The following ANKRD62 variants were observed in gnomAD, a reference collection of about 807,000 sequenced individuals.
ANKRD62 encodes the protein ankyrin repeat domain-containing protein 62.
Under a neutral mutation model 98.8 loss-of-function variants are expected in ANKRD62, and 61 were observed. The observed-to-expected ratio is 0.62, with a 90% CI of 0.50 to 0.76. The LOEUF is 0.76. Among genes scored for constraint, ANKRD62 ranks in the 30% least tolerant of loss-of-function variants. ANKRD62 has a pLI of 0.00. For missense variants in ANKRD62, 933 were observed against 1,082.9 expected (o/e 0.86, Z 1.94); for synonymous variants, 341 against 367.9 (o/e 0.93, Z 0.84).
chr18:12,171,748 C>T, the ANKRD62 span, among the ~76,000 whole-genome samples: 26 of 152,104 alleles, frequency 1.7e-4, 1 homozygote, highest in Admixed American at 5.2e-4. Context: ...CAACTTGGTT[C>T]CATTCTCCCT....
At chr18:12,159,054 T>C in the ANKRD62 span, among the ~76,000 whole-genome samples, 6 of 152,186 alleles carry the variant, frequency 3.9e-5, no homozygotes, top group Non-Finnish European at 7.3e-5. Context: ...TTTCTCCTCA[T>C]GCAAGACACT....
the ANKRD62 span, among the ~76,000 whole-genome samples, chr18:12,170,567 G>A: frequency 1.3e-5 from 2 of 152,292 alleles, no homozygotes; most frequent in East Asian, 3.9e-4. Flanking sequence ...GTCAATTTTG[G>A]AGTAAGTGCA....
chr18:12,163,453 A>G, the ANKRD62 span, among the ~76,000 whole-genome samples: 2 of 152,122 alleles, frequency 1.3e-5, no homozygotes, highest in Admixed American at 6.5e-5. Context: ...ATCATCTACA[A>G]ATAAGGATAA....
chr18:12,126,330 A>G lies in ANKRD62; in HGVS notation c.2509A>G (p.Thr837Ala). ...ENNKGLMKEC[T>A]LLKERQCQYE... ...CAATAAGGGGTTGATGAAGGAATGC[A>G]CTCTTTTAAAAGAAAGACAATGCCA... The change falls in exon 13 of 14, where the codon ACT (threonine) becomes GCT (alanine). Residue 837 changes from threonine (T) to alanine (A), a missense_variant. By Grantham distance (58) the Thr-to-Ala change is moderately conservative. Around this residue, in one of 3 missense-constraint regions of ANKRD62, gnomAD observed 362 missense variants for 434.5 expected, o/e 0.83. Coordinates refer to ENST00000587848, the MANE Select transcript of ANKRD62 (RefSeq NM_001277333.2). 6.5e-7 allele frequency: 1 copy of G among 1,527,318 alleles called. No homozygotes were observed. Among genetic ancestry groups the G allele is most frequent in the Non-Finnish European group, 8.7e-7 (1 of 1,144,122 alleles). 94.6% of individuals were successfully genotyped at this position (1,527,318 alleles called of 1,614,324 possible).
chr18:12,159,542 T>C, the ANKRD62 span, among the ~76,000 whole-genome samples: 1 of 152,222 alleles, frequency 6.6e-6, no homozygotes, highest in Non-Finnish European at 1.5e-5. Flanking sequence ...CTGCAAATTG[T>C]CCAATAAGTA....
At chr18:12,158,833 C>T in the ANKRD62 span, among the ~76,000 whole-genome samples, 1 of 152,128 alleles carries the variant, frequency 6.6e-6, no homozygotes, top group Non-Finnish European at 1.5e-5. Flanking sequence ...CGCGCCCGGC[C>T]AGAAATTTTT....
In ANKRD62 at chr18:12,122,562, A is replaced by G. The variant is rs761373076; in HGVS notation, c.1454+46A>G. ...AGAAATATTTCAACTATTTATACTA[A>G]GGATATGTAGGATAATTTTTGTAAT... On this transcript the variant is annotated intron_variant, in intron 11 of 13. Transcript: ENST00000587848. 117 of 1,405,306 alleles carry G rather than the reference A, an allele frequency of 8.3e-5. No individual in the cohort carries two copies. The Middle Eastern group carries it at 8.5e-4, about 10-fold the overall frequency. The allele number at this position is 1,405,306 out of a possible 1,614,324, so 87.1% of individuals were successfully genotyped here. A position where few individuals can be genotyped will look rare whatever the true frequency, so the allele number is the denominator to read the frequency against.
chr18:12,166,458 A>C, the ANKRD62 span, among the ~76,000 whole-genome samples: 3 of 152,128 alleles, frequency 2.0e-5, no homozygotes, highest in South Asian at 6.2e-4. Flanking sequence ...TTTCAGCTCC[A>C]GAATTTCTGC....
chr18:12,100,014 T>C (rs1909265078), intron 6 of ANKRD62, among the ~76,000 whole-genome samples: 1 of 152,158 alleles, frequency 6.6e-6, no homozygotes, highest in Admixed American at 6.5e-5. Flanking sequence ...GGATTTGTTA[T>C]AACATTGGAT....
intron 6 of ANKRD62, chr18:12,102,488 CA>C: frequency 2.5e-6 from 1 of 402,444 alleles, no homozygotes; most frequent in Non-Finnish European, 4.8e-6. Context: ...CCTGAAAACT[CA>C]AGGTCATCCA....
the ANKRD62 span, among the ~76,000 whole-genome samples, chr18:12,136,513 A>G: frequency 2.6e-5 from 4 of 152,248 alleles, no homozygotes; most frequent in South Asian, 4.1e-4. Flanking sequence ...CTTAGGATTG[A>G]CTTGGCGATG....
chr18:12,097,509 T>C lies in ANKRD62; in HGVS notation c.615-131T>C, dbSNP rs139336462. The C allele has an allele frequency of 1.2e-3, 1,198 of 997,080 alleles. 9 individuals carry two copies. In the East Asian group the frequency reaches 0.016, roughly 13 times the overall value. The allele number at this position is 997,080 out of a possible 1,614,324, so 61.8% of individuals were successfully genotyped here. ...TGAACCCTTGAGCACCCAAGATGTT[T>C]GTGTTTATTAGTACATGTAATTGGT... On this transcript the variant is annotated intron_variant, in intron 4 of 13. Transcript: ENST00000587848.
chr18:12,146,199 T>G, the ANKRD62 span, among the ~76,000 whole-genome samples: 4 of 152,046 alleles, frequency 2.6e-5, no homozygotes, highest in African/African-American at 9.7e-5. Flanking sequence ...ATCCTGTTTC[T>G]CCTGACTTTG....
chr18:12,095,783 G>A (rs1206636700), intron 3 of ANKRD62, among the ~76,000 whole-genome samples, 173 bp downstream of exon 3: 4 of 152,088 alleles, frequency 2.6e-5, no homozygotes, highest in Non-Finnish European at 4.4e-5. Flanking sequence ...AAAACACGAG[G>A]TCTGTAGTCT....
At chr18:12,137,132 G>C in the ANKRD62 span, among the ~76,000 whole-genome samples, 96,981 of 151,934 alleles carry the variant, frequency 0.64, 31,516 homozygotes, top group Middle Eastern at 0.77. Flanking sequence ...TGCCAGTTTT[G>C]AAAGGGAATG....
At chr18:12,161,684 C>T in the ANKRD62 span, among the ~76,000 whole-genome samples, 8 of 152,084 alleles carry the variant, frequency 5.3e-5, no homozygotes, top group Non-Finnish European at 8.8e-5. Flanking sequence ...TTGCCACTAC[C>T]CTTCCCAACC....
intron 2 of ANKRD62, 36 bp from the exon 3 acceptor site, chr18:12,095,401 G>C (rs34149816): frequency 6.5e-7 from 1 of 1,547,610 alleles, no homozygotes; most frequent in Non-Finnish European, 8.7e-7. Flanking sequence ...AGATTTCCTA[G>C]AATTTACAGT....
chr18:12,134,843 A>G, the ANKRD62 span, among the ~76,000 whole-genome samples: 1 of 151,994 alleles, frequency 6.6e-6, no homozygotes, highest in African/African-American at 2.4e-5. Context: ...ATACGTGTGC[A>G]TGTCTTTATA....
chr18:12,112,097 G>A (rs1909553514), intron 8 of ANKRD62, among the ~76,000 whole-genome samples: 1 of 108,866 alleles, frequency 9.2e-6, no homozygotes, highest in Admixed American at 1.3e-4. Flanking sequence ...GCCGACAACA[G>A]CAAGACTCCA....
Sources: gnomAD v4.1 joint callset for allele counts (sites outside exome capture counted in the v4.1 genomes callset) on GRCh38, gnomAD v4.1.1 for gene constraint, gnomAD v4.1.1 regional missense constraint, MANE v1.5 for transcripts, NCBI Gene and HGNC (gene_info 2026-07-23, HGNC 2026-07-21) for gene names.